Variants in ADCY9 observed in about 807,000 individuals in gnomAD.
The protein encoded by ADCY9 is adenylate cyclase 9.
A neutral mutation model predicts 101.5 loss-of-function variants in ADCY9; 50 were observed. The ratio of observed to expected loss-of-function variants is 0.49; its 90% CI spans 0.39 to 0.62. ADCY9 has a LOEUF of 0.62. Ranked by LOEUF, ADCY9 falls within the 20% of genes least tolerant of loss-of-function variation. The pLI is 0.00. For missense variants in ADCY9, 1,662 were observed against 1,800.4 expected, an observed-to-expected ratio of 0.92 and a Z score of 1.39; for synonymous variants, 905 against 769.3, an observed-to-expected ratio of 1.18 and a Z score of -2.92.
At chr16:4,038,439 T>A (rs2056604821) in intron 2 of ADCY9, among the ~76,000 whole-genome samples, 1 of 152,162 alleles carries the variant, frequency 6.6e-6, no homozygotes. Context: ...TTTGCTCTTC[T>A]GTCATGTGAG....
chr16:4,103,682 T>C (rs1264629195), intron 2 of ADCY9, among the ~76,000 whole-genome samples: 1 of 152,066 alleles, frequency 6.6e-6, no homozygotes, highest in Non-Finnish European at 1.5e-5. Context: ...AGACAAAAAT[T>C]AGCCGGGCGT....
rs1303527144 is a variant in ADCY9 at position 4,114,435 on chromosome 16, G to A, written c.1008C>T (p.Ser336=). The change falls in exon 2 of 11, where the codon TCC becomes TCT. Residue 336 remains serine, a synonymous_variant. Transcript: ENST00000294016. The surrounding 1 kb of genome is among the most constrained non-coding windows in gnomAD (Gnocchi z 4.3). The part of the protein sequence containing the change: ...EKALKERMIH[S]VMPRIIADDL... ...CATCGGCTATGATTCTTGGCATCAC[G>A]GAATGAATCATCCTCTCTTTGAGGG... The A allele has an allele frequency of 1.1e-5, 17 of 1,613,994 alleles. No homozygotes were observed. Among genetic ancestry groups the A allele is most frequent in the South Asian group, 3.3e-5 (3 of 91,086 alleles).
chr16:3,954,009 T>C (rs1038072381), intron 5 of ADCY9, among the ~76,000 whole-genome samples: 2 of 152,208 alleles, frequency 1.3e-5, no homozygotes, highest in Non-Finnish European at 2.9e-5. Context: ...AATCCTAAAA[T>C]GCCTACAAAG....
In ADCY9 at chr16:4,047,007, C is replaced by T. The variant is rs542470045; in HGVS notation, c.1694-39449G>A. Among the ~76,000 whole-genome samples the T allele has an allele frequency of 1.5e-3, 230 of 150,314 alleles. 2 individuals are homozygous for T. The highest frequency in any genetic ancestry group is 3.7e-3 in the Admixed American group (57 of 15,250). On this transcript the variant is annotated intron_variant, in intron 2 of 10. Coordinates refer to ENST00000294016, the MANE Select transcript of ADCY9 (RefSeq NM_001116.4). ...CCTGGTCAACAGAGCAAGACCCAAT[C>T]TAAAACAAAAAACAAAAAACTACGA...
At position 4,113,892 on chromosome 16, in the gene ADCY9, G is replaced by C. The variant is rs1178805685; in HGVS notation, c.1551C>G (p.Ala517=). The change falls in exon 2 of 11, where the codon GCC becomes GCG. Residue 517 remains alanine (A), a synonymous_variant. Coordinates refer to ENST00000294016, the MANE Select transcript of ADCY9 (RefSeq NM_001116.4). The stretch of plus-strand genomic sequence containing the variant: ...CCACTCCCAGCTGCTCCATGAGATT[G>C]GCCAGGTTCACATCGTTGGACCACA... ...FDVWSNDVNL[A]NLMEQLGVAG... The C allele has an allele frequency of 3.7e-6, 6 of 1,614,004 alleles. No individual in the cohort carries two copies. The highest frequency in any genetic ancestry group is 3.3e-5 in the Admixed American group (2 of 59,992).
intron 2 of ADCY9, among the ~76,000 whole-genome samples, chr16:4,029,472 C>A (rs2056539983): frequency 6.6e-6 from 1 of 152,194 alleles, no homozygotes; most frequent in African/African-American, 2.4e-5. Context: ...AGAGGCCAGG[C>A]CCGGGGGCTC....
intron 2 of ADCY9, 46 bp downstream of exon 2, chr16:4,113,704 A>G (rs751542793): frequency 2.6e-6 from 4 of 1,561,816 alleles, no homozygotes; most frequent in African/African-American, 2.7e-5. Context: ...ATTTAATACA[A>G]TCAGGATCAG....
intron 2 of ADCY9, among the ~76,000 whole-genome samples, chr16:4,041,047 A>C (rs976621032): frequency 6.6e-6 from 1 of 152,182 alleles, no homozygotes. Flanking sequence ...ACAGGAGATA[A>C]AGCAGAGAAT....
chr16:3,967,042 G>T (rs1051682802), intron 10 of ADCY9, 76 bp from the exon 11 acceptor site: 8 of 1,269,762 alleles, frequency 6.3e-6, no homozygotes, highest in African/African-American at 3.0e-5. Flanking sequence ...CGCTAGCTAC[G>T]CAAAGCTTTG....
chr16:4,055,008 T>C (rs1244002543), intron 2 of ADCY9, among the ~76,000 whole-genome samples: 2 of 152,028 alleles, frequency 1.3e-5, no homozygotes, highest in African/African-American at 4.8e-5. Flanking sequence ...GTAAATGAAA[T>C]TCAACAACAC....
At chr16:4,078,394 C>A (rs1258540242) in intron 2 of ADCY9, among the ~76,000 whole-genome samples, 2 of 151,876 alleles carry the variant, frequency 1.3e-5, no homozygotes, top group Non-Finnish European at 2.9e-5. Context: ...AGACCTCCAT[C>A]TCTACAAAAT....
intron 2 of ADCY9, among the ~76,000 whole-genome samples, chr16:4,112,934 C>T (rs766754964): frequency 3.3e-5 from 5 of 151,960 alleles, no homozygotes; most frequent in African/African-American, 7.3e-5. Context: ...AAACAAGCAG[C>T]CCAGTAAAAA....
chr16:4,074,305 T>TA (rs1394558946), intron 2 of ADCY9, among the ~76,000 whole-genome samples: 1 of 151,926 alleles, frequency 6.6e-6, no homozygotes, highest in Non-Finnish European at 1.5e-5. Flanking sequence ...GGCAGACTGA[T>TA]AAAAAATGTA....
intron 2 of ADCY9, among the ~76,000 whole-genome samples, chr16:4,100,571 T>G (rs1177392719): frequency 6.6e-6 from 1 of 151,864 alleles, no homozygotes; most frequent in Non-Finnish European, 1.5e-5. Context: ...GCTCAAGTGA[T>G]CCGCCCGCCT....
intron 2 of ADCY9, among the ~76,000 whole-genome samples, chr16:4,017,733 A>T (rs942162554): frequency 3.3e-5 from 5 of 152,208 alleles, no homozygotes; most frequent in Admixed American, 3.3e-4. Flanking sequence ...AAGAACTAAA[A>T]ATTCAACATA....
rs901904168 is a variant in ADCY9 at position 4,096,448 on chromosome 16, C to T, written c.1693+17302G>A. Among the ~76,000 whole-genome samples, 3 of 152,140 alleles carry T rather than the reference C, an allele frequency of 2.0e-5. No homozygotes were observed. In the South Asian group the frequency reaches 6.2e-4, roughly 32 times the overall value. Reference sequence around the variant, plus strand: ...TGTATTAAGACCAAAAGCTAATTTACAAAAACAAATTAAATTTTCAAATAA... The same window carrying T: ...TGTATTAAGACCAAAAGCTAATTTATAAAAACAAATTAAATTTTCAAATAA... On this transcript the variant is annotated intron_variant, in intron 2 of 10. Transcript: ENST00000294016.
At chr16:4,003,563 CTTTTTT>C (rs34344577) in intron 3 of ADCY9, among the ~76,000 whole-genome samples, 1 of 124,486 alleles carries the variant, frequency 8.0e-6, no homozygotes, top group Non-Finnish European at 1.7e-5. Context: ...TCTTTCTTTT[CTTTTTT>C]TTTTTTTTTT....
intron 2 of ADCY9, among the ~76,000 whole-genome samples, chr16:4,081,975 GAGGCCAAGCTGGAGAACTGA>G (rs1362479883): frequency 2.0e-5 from 3 of 152,084 alleles, no homozygotes; most frequent in African/African-American, 7.2e-5. Flanking sequence ...AAAAGGGATT[GAGGCCAAGCTGGAGAACTGA>G]AGGCAAGTCA....
intron 2 of ADCY9, among the ~76,000 whole-genome samples, chr16:4,013,296 T>C (rs2056416217): frequency 6.6e-6 from 1 of 151,136 alleles, no homozygotes; most frequent in Admixed American, 6.6e-5. Context: ...GGCACACGCC[T>C]GTAAATCCCA....
Sources: gnomAD v4.1 joint callset for allele counts (sites outside exome capture counted in the v4.1 genomes callset) on GRCh38, gnomAD v4.1.1 for gene constraint, Gnocchi (gnomAD v3.1) non-coding constraint, MANE v1.5 for transcripts, NCBI Gene and HGNC (gene_info 2026-07-23, HGNC 2026-07-21) for gene names.